The following MICAL3 variants were observed in gnomAD, a reference collection of about 807,000 sequenced individuals.
The protein encoded by MICAL3 is microtubule associated monooxygenase, calponin and LIM domain containing 3.
Under a neutral mutation model 207.4 loss-of-function variants are expected in MICAL3, and 62 were observed. The observed-to-expected ratio is 0.30, with a 90% CI of 0.24 to 0.37. The LOEUF (loss-of-function observed/expected upper bound fraction) is 0.37, where lower values mean the gene tolerates loss of function less well. Ranked by LOEUF, MICAL3 falls within the 10% of genes least tolerant of loss-of-function variation. MICAL3 has a pLI of 1.00. For missense variants in MICAL3, 2,368 were observed against 2,635.6 expected (o/e 0.90, Z 2.22); for synonymous variants, 1,077 against 1,069.3 (o/e 1.01, Z -0.14).
chr22:17,965,581 G>GTATT (rs1935110369), intron 1 of MICAL3, among the ~76,000 whole-genome samples: 1 of 152,176 alleles, frequency 6.6e-6, no homozygotes. Flanking sequence ...TGTGAGTTAA[G>GTATT]TATTTAATAC....
intron 1 of MICAL3, among the ~76,000 whole-genome samples, chr22:18,018,978 G>C (rs113036900): frequency 0.052 from 7,920 of 152,180 alleles, 586 homozygotes; most frequent in African/African-American, 0.16. Context: ...GATCACTTGA[G>C]CCCAGGAGTT....
intron 1 of MICAL3, among the ~76,000 whole-genome samples, chr22:17,914,280 G>A (rs575033676): frequency 1.2e-4 from 18 of 152,292 alleles, no homozygotes; most frequent in African/African-American, 3.8e-4. Context: ...GTGGAGGGGG[G>A]TGCTAAAGGA....
intron 21 of MICAL3, 57 bp downstream of exon 21, chr22:17,831,797 T>C: frequency 6.6e-7 from 1 of 1,525,864 alleles, no homozygotes; most frequent in Non-Finnish European, 8.8e-7. Flanking sequence ...CACTCACGCA[T>C]GAAACAGATC....
At chr22:17,877,553 G>GGTTATGGAGGTTAGGGAGGTTAGGGAA (rs1317670447) in intron 16 of MICAL3, among the ~76,000 whole-genome samples, 3 of 101,912 alleles carry the variant, frequency 2.9e-5, no homozygotes, top group South Asian at 3.0e-4. Context: ...AGGTGAGGGA[G>GGTTATGGAGGTTAGGGAGGTTAGGGAA]GTTATGGAGG....
chr22:17,867,780 A>G (rs1002474801), intron 17 of MICAL3, among the ~76,000 whole-genome samples: 1 of 152,242 alleles, frequency 6.6e-6, no homozygotes, highest in African/African-American at 2.4e-5. Flanking sequence ...TAAGGCTTCA[A>G]CTGTCATCTG....
Position 17,904,913 on chromosome 22 carries a change from G to A in MICAL3, c.265-74C>T, listed in dbSNP as rs988960130. ...TTCTCAAGAAGTCTCATGATTGTAAGATCATCACTCCCTAAAGCCCCGAAA... is the reference window on the plus strand; with the variant it reads ...TTCTCAAGAAGTCTCATGATTGTAAAATCATCACTCCCTAAAGCCCCGAAA... On this transcript the variant is annotated intron_variant, in intron 2 of 31. Transcript: ENST00000441493. 19 of 1,112,984 alleles carry A rather than the reference G, an allele frequency of 1.7e-5. No individual in the cohort carries two copies. In the African/African-American group the frequency reaches 2.6e-4, roughly 15 times the overall value. The allele number at this position is 1,112,984 out of a possible 1,614,324, so 68.9% of individuals were successfully genotyped here. A position where few individuals can be genotyped will look rare whatever the true frequency, so the allele number is the denominator to read the frequency against.
At chr22:17,823,125 C>T (rs1052425611) in intron 22 of MICAL3, 65 bp from the exon 23 acceptor site, 7 of 1,107,818 alleles carry the variant, frequency 6.3e-6, no homozygotes, top group South Asian at 3.8e-5. Flanking sequence ...TGCATCTTCA[C>T]GGGGGCGAGA....
rs770963073 is a variant in MICAL3 at position 17,896,229 on chromosome 22, G to A, written c.1322+17C>T. Reference sequence around the variant, plus strand: ...CCAGTTTTCTCATGAAAGGAACCCCGGGTTACTTCCCATTACCTCTCTGCC... The same window carrying A: ...CCAGTTTTCTCATGAAAGGAACCCCAGGTTACTTCCCATTACCTCTCTGCC... On this transcript the variant is annotated intron_variant, in intron 9 of 31. Coordinates refer to ENST00000441493, the MANE Select transcript of MICAL3 (RefSeq NM_015241.3). The A allele has an allele frequency of 1.2e-5, 17 of 1,467,580 alleles. No individual in the cohort carries two copies. The highest frequency in any genetic ancestry group is 2.5e-5 in the East Asian group (1 of 40,530). 90.9% of individuals were successfully genotyped at this position (1,467,580 alleles called of 1,614,324 possible). A position where few individuals can be genotyped will look rare whatever the true frequency, so the allele number is the denominator to read the frequency against.
chr22:17,986,890 C>A (rs1921075140), intron 1 of MICAL3, among the ~76,000 whole-genome samples: 1 of 152,126 alleles, frequency 6.6e-6, no homozygotes, highest in African/African-American at 2.4e-5. Flanking sequence ...GTAGATTACA[C>A]CAATTTAATT....
chr22:17,924,677 T>G lies in MICAL3; in HGVS notation c.-74-17791A>C, dbSNP rs186279535. On this transcript the variant is annotated intron_variant, in intron 1 of 31. Transcript: ENST00000441493. ...ATCCCAAGCATTTCAGAAGAGATAT[T>G]CAACCTGTGCTAAACACCATGGACG... Among the ~76,000 whole-genome samples, 153 of 152,254 alleles carry G rather than the reference T, an allele frequency of 1.0e-3. 4 individuals carry two copies. Among genetic ancestry groups the G allele is most frequent in the Admixed American group, 9.9e-3 (152 of 15,282 alleles).
At chr22:17,875,376 T>C (rs1928182933) in intron 16 of MICAL3, 6 of 950,944 alleles carry the variant, frequency 6.3e-6, no homozygotes, top group Non-Finnish European at 9.1e-6. Flanking sequence ...CTGGGGTACA[T>C]GACACTTGCG....
chr22:18,006,606 G>C (rs1438441633), intron 1 of MICAL3: 1 of 152,172 alleles, frequency 6.6e-6, no homozygotes, highest in Non-Finnish European at 1.5e-5. Flanking sequence ...GGTCGAGAAG[G>C]GCAGATCACC....
intron 15 of MICAL3, among the ~76,000 whole-genome samples, 182 bp downstream of exon 15, chr22:17,886,988 C>CAAAAAA (rs55999508): frequency 5.8e-4 from 24 of 41,342 alleles, no homozygotes; most frequent in Non-Finnish European, 5.6e-4. Context: ...ACTCTTGTCT[C>CAAAAAA]AAAAAAAAAA....
chr22:17,862,196 A>G, intron 19 of MICAL3: 1 of 984,994 alleles, frequency 1.0e-6, no homozygotes, highest in Non-Finnish European at 1.2e-6. Context: ...CATGGGCCTG[A>G]GCTAATGACT....
rs1601909616 is a variant in MICAL3 at position 17,793,295 on chromosome 22, C to T, written c.5651-1994G>A. ...GCAAGACACGAGGTAGAGAGGTTTG[C>T]TTTCAGTGGTTGTTTGGAAAGGGGC... On this transcript the variant is annotated intron_variant, in intron 29 of 31. Transcript: ENST00000441493. The surrounding 1 kb of genome is among the most constrained non-coding windows in gnomAD (Gnocchi z 4.1). 6.6e-6 allele frequency among the ~76,000 whole-genome samples: 1 copy of T among 151,770 alleles called. No homozygotes were observed. Among genetic ancestry groups the T allele is most frequent in the Non-Finnish European group, 1.5e-5 (1 of 67,902 alleles).
In MICAL3 at chr22:17,887,425, G is replaced by C. The variant is rs1235237146; in HGVS notation, c.1902C>G (p.Asp634Glu). ...GGACTGCTTTCTCCTCGGCATTTAGGTCCAAGGTGTCTGGGAATAGAAACC... is the reference window on the plus strand; with the variant it reads ...GGACTGCTTTCTCCTCGGCATTTAGCTCCAAGGTGTCTGGGAATAGAAACC... ...KDSLPSSDTL[D>E]LNAEEKAVLI... is the part of the protein sequence containing the mutation. Residue 634 changes from aspartate (D) to glutamate (E), a missense_variant, in exon 14 of 32, where the codon GAC (aspartate) becomes GAG (glutamate). Coordinates refer to ENST00000441493, the MANE Select transcript of MICAL3 (RefSeq NM_015241.3). 2 of 1,611,926 alleles carry C rather than the reference G, an allele frequency of 1.2e-6. No homozygotes were observed. Among genetic ancestry groups the C allele is most frequent in the Non-Finnish European group, 1.7e-6 (2 of 1,178,514 alleles).
intron 27 of MICAL3, chr22:17,812,498 A>G (rs995319971): frequency 1.0e-6 from 1 of 985,618 alleles, no homozygotes; most frequent in African/African-American, 1.7e-5. Flanking sequence ...GACAGGAACG[A>G]GACACTACCT....
intron 16 of MICAL3, among the ~76,000 whole-genome samples, chr22:17,877,876 T>C (rs1307701069): frequency 6.6e-6 from 1 of 152,010 alleles, no homozygotes; most frequent in East Asian, 1.9e-4. Flanking sequence ...TCTGATTCTG[T>C]CGCCCTGGCT....
Position 17,946,916 on chromosome 22 carries a change from CAT to C in MICAL3, c.-74-40032_-74-40031del, listed in dbSNP as rs375189296. Among the ~76,000 whole-genome samples the C allele has an allele frequency of 4.0e-3, 602 of 152,310 alleles. 6 individuals are homozygous for C. Among genetic ancestry groups the C allele is most frequent in the African/African-American group, 0.014 (575 of 41,562 alleles). ...TCCAGCAAAGGGCCCAGCTGAACCA[CAT>C]GATACCCCTTCCAAGCCGGAAGATG... On this transcript the variant is annotated intron_variant, in intron 1 of 31. Coordinates refer to ENST00000441493, the MANE Select transcript of MICAL3 (RefSeq NM_015241.3).
Sources: allele counts gnomAD v4.1 joint callset (sites outside exome capture counted in the v4.1 genomes callset), GRCh38; gene constraint gnomAD v4.1.1; non-coding constraint Gnocchi (gnomAD v3.1); transcripts MANE v1.5; gene names NCBI Gene and HGNC (gene_info 2026-07-23, HGNC 2026-07-21).